The following ABCC12 variants were observed in gnomAD, a reference collection of about 807,000 sequenced individuals.
ABCC12 encodes ATP-binding cassette sub-family C member 12.
ABCC12 carries 142 observed loss-of-function variants against 151.1 expected under a neutral mutation model. The ratio of observed to expected loss-of-function variants is 0.94; its 90% CI spans 0.82 to 1.08. The LOEUF (loss-of-function observed/expected upper bound fraction) is 1.08. Among genes scored for constraint, ABCC12 ranks in the 50% least tolerant of loss-of-function variants. The probability of loss-of-function intolerance (pLI) is 0.00; values close to 1 mark genes in which losing one functional copy is unlikely to be tolerated. For missense variants in ABCC12, 1,638 were observed against 1,691.1 expected, an observed-to-expected ratio of 0.97 and a Z score of 0.55; for synonymous variants, 645 against 646.4, an observed-to-expected ratio of 1.00 and a Z score of 0.03.
At chr16:48,140,622 T>C in intron 6 of ABCC12, 65 bp downstream of exon 6, 1 of 1,469,668 alleles carries the variant, frequency 6.8e-7, no homozygotes, top group Non-Finnish European at 9.4e-7. Context: ...AGGATCCACA[T>C]CTCACATGCA....
At chr16:48,106,438 T>C (rs1963495230) in intron 20 of ABCC12, among the ~76,000 whole-genome samples, 1 of 152,292 alleles carries the variant, frequency 6.6e-6, no homozygotes, top group Admixed American at 6.5e-5. Flanking sequence ...AATCAGCCAA[T>C]GGCAGTGGGA....
Position 48,082,036 on chromosome 16 carries a change from G to C in ABCC12, c.*1679C>G, listed in dbSNP as rs917842611. On this transcript the variant is annotated 3_prime_UTR_variant, in exon 31 of 31. Coordinates refer to ENST00000311303, the MANE Select transcript of ABCC12 (RefSeq NM_001393797.1). ...GGGAGCAGCTGCTCAGAACGCTGTG[G>C]ATGTGGGTTTAATGACCTTCAGTCA... is the stretch of plus-strand genomic sequence containing the variant. Among the ~76,000 whole-genome samples, 2 of 152,208 alleles carry C rather than the reference G, an allele frequency of 1.3e-5. No homozygotes were observed. The highest frequency in any genetic ancestry group is 4.8e-5 in the African/African-American group (2 of 41,454).
chr16:48,105,958 A>G (rs1350040560), intron 20 of ABCC12, among the ~76,000 whole-genome samples: 1 of 152,148 alleles, frequency 6.6e-6, no homozygotes, highest in Non-Finnish European at 1.5e-5. Context: ...CAGAGGATTC[A>G]AAGAATCTGT....
Position 48,087,938 on chromosome 16 carries a change from A to G in ABCC12, c.3623T>C (p.Val1208Ala). The change falls in exon 27 of 31, where the codon GTA (valine) becomes GCA (alanine). Residue 1208 changes from valine to alanine, a missense_variant. Coordinates refer to ENST00000311303, the MANE Select transcript of ABCC12 (RefSeq NM_001393797.1). ...TAAAAACAGCTACCTTACTGTACCT[A>G]CAAACAGGACAGGATCCTGTGGGAT... is the stretch of plus-strand genomic sequence containing the variant. Reference protein sequence around the residue: ...TVIPQDPVLFVGTVRYNLDPF... With the variant: ...TVIPQDPVLFAGTVRYNLDPF... The G allele has an allele frequency of 6.2e-7, 1 of 1,612,820 alleles. No individual in the cohort carries two copies. The highest frequency in any genetic ancestry group is 1.1e-5 in the South Asian group (1 of 90,932).
chr16:48,124,331 T>C (rs1489180821), intron 11 of ABCC12, 47 bp from the exon 12 acceptor site: 1 of 1,589,942 alleles, frequency 6.3e-7, no homozygotes, highest in Admixed American at 1.7e-5. Flanking sequence ...TCCCACTTCT[T>C]AGAGGGTCTG....
chr16:48,097,958 A>G (rs1963161519), intron 23 of ABCC12, among the ~76,000 whole-genome samples: 1 of 152,176 alleles, frequency 6.6e-6, no homozygotes, highest in Non-Finnish European at 1.5e-5. Flanking sequence ...CCAGTCACCC[A>G]AGGATGTGTT....
intron 23 of ABCC12, among the ~76,000 whole-genome samples, chr16:48,099,175 T>G (rs1413072647): frequency 6.6e-6 from 1 of 152,120 alleles, no homozygotes; most frequent in Non-Finnish European, 1.5e-5. Context: ...CCCCGCACTC[T>G]TGGAGGCCAA....
chr16:48,139,053 A>C, intron 7 of ABCC12, 110 bp downstream of exon 7: 1 of 1,265,112 alleles, frequency 7.9e-7, no homozygotes, highest in South Asian at 1.6e-5. Context: ...CTGTGAGTAC[A>C]AAATGGGGCA....
chr16:48,113,964 T>C (rs1184957919), intron 15 of ABCC12, among the ~76,000 whole-genome samples: 6 of 152,084 alleles, frequency 3.9e-5, no homozygotes, highest in Admixed American at 6.6e-5. Context: ...CCAGGGATAT[T>C]CCAGGTGCAG....
intron 2 of ABCC12, among the ~76,000 whole-genome samples, chr16:48,151,186 TG>T (rs2150686616): frequency 6.6e-6 from 1 of 152,346 alleles, no homozygotes; most frequent in African/African-American, 2.4e-5. Context: ...GTTGATAACG[TG>T]TACCCTTAAT....
chr16:48,121,454 G>A (rs544795275), intron 13 of ABCC12: 67 of 379,032 alleles, frequency 1.8e-4, no homozygotes, highest in East Asian at 1.3e-3. Flanking sequence ...AGAGAACCTC[G>A]GAACATATGC....
chr16:48,138,306 T>C lies in ABCC12; in HGVS notation c.901A>G (p.Thr301Ala). 1 of 1,614,066 alleles carries C rather than the reference T, an allele frequency of 6.2e-7. No homozygotes were observed. Among genetic ancestry groups the C allele is most frequent in the East Asian group, 2.2e-5 (1 of 44,896 alleles). ...AILVTDKRVQ[T>A]MNEFLTCIRL... ...ATGCAGGTCAGAAACTCATTCATTG[T>C]CTGAACTCGCTTGTCTGTCACCAAA... The change falls in exon 8 of 31, where the codon ACA becomes GCA. Residue 301 changes from threonine (T) to alanine (A), a missense_variant. Physicochemically the swap from Thr to Ala is moderately conservative, Grantham distance 58. Transcript: ENST00000311303.
rs200400469 is a variant in ABCC12 at position 48,115,483 on chromosome 16, C to T, written c.1921G>A (p.Val641Ile). 56 of 1,614,210 alleles carry T rather than the reference C, an allele frequency of 3.5e-5. No homozygotes were observed. In the East Asian group the frequency reaches 6.0e-4, roughly 17 times the overall value. Residue 641 changes from valine (V) to isoleucine (I), a missense_variant, in exon 15 of 31, where the codon GTC becomes ATC. Val to Ile is a conservative substitution (Grantham distance 29, BLOSUM62 3). Coordinates refer to ENST00000311303, the MANE Select transcript of ABCC12 (RefSeq NM_001393797.1). ...GTCTTCTTAATGCACTCCTCAAAGA[C>T]GTGCTTCCCCACGTGGGCGTCCACG... ...SAVDAHVGKH[V>I]FEECIKKTLR...
intron 8 of ABCC12, among the ~76,000 whole-genome samples, chr16:48,135,558 T>A (rs1012332490): frequency 1.6e-4 from 25 of 152,038 alleles, no homozygotes; most frequent in South Asian, 1.5e-3. Context: ...TTTTTTTTTT[T>A]AATTTTTTGC....
At chr16:48,150,382 T>A (rs1965100882) in intron 2 of ABCC12, among the ~76,000 whole-genome samples, 1 of 152,214 alleles carries the variant, frequency 6.6e-6, no homozygotes, top group Non-Finnish European at 1.5e-5. Context: ...AATTGTATAA[T>A]ATGAGTTTGG....
chr16:48,121,555 T>G (rs1032657847), intron 13 of ABCC12, 161 bp downstream of exon 13: 13 of 996,892 alleles, frequency 1.3e-5, no homozygotes, highest in Non-Finnish European at 2.9e-6. Context: ...AACGCTTGGC[T>G]CAGGAAGAGG....
chr16:48,119,283 T>C (rs1467929349), intron 13 of ABCC12, among the ~76,000 whole-genome samples: 3 of 152,230 alleles, frequency 2.0e-5, no homozygotes, highest in African/African-American at 7.2e-5. Context: ...GGCTCATTCC[T>C]CCCTGGTGCA....
rs773636178 is a variant in ABCC12 at position 48,105,167 on chromosome 16, G to A, written c.2645C>T (p.Ser882Phe). Residue 882 changes from serine to phenylalanine, a missense_variant, in exon 21 of 31, where the codon TCC (serine) becomes TTC (phenylalanine). Coordinates refer to ENST00000311303, the MANE Select transcript of ABCC12 (RefSeq NM_001393797.1). ...VFTKTTLMASSSLHDTVFDKI... is the reference protein window; with the variant it reads ...VFTKTTLMASFSLHDTVFDKI... ...ATCAAACACCGTGTCATGCAGAGAG[G>A]AGGATGCCATCAGTGTGGTCTTGGT... is the stretch of plus-strand genomic sequence containing the variant. 1 of 1,614,178 alleles carries A rather than the reference G, an allele frequency of 6.2e-7. No individual in the cohort carries two copies. The highest frequency in any genetic ancestry group is 1.1e-5 in the South Asian group (1 of 91,086).
At chr16:48,092,547 G>C (rs923046557) in intron 24 of ABCC12, among the ~76,000 whole-genome samples, 1 of 152,256 alleles carries the variant, frequency 6.6e-6, no homozygotes, top group Non-Finnish European at 1.5e-5. Context: ...TTGTCACCAA[G>C]TGGGCTAGAG....
Sources: gnomAD v4.1 joint callset for allele counts (sites outside exome capture counted in the v4.1 genomes callset) on GRCh38, gnomAD v4.1.1 for gene constraint, MANE v1.5 for transcripts, NCBI Gene and HGNC (gene_info 2026-07-23, HGNC 2026-07-21) for gene names.